The following PDE4D variants were observed in gnomAD, a reference collection of about 807,000 sequenced individuals.
PDE4D encodes the protein phosphodiesterase 4D.
In PDE4D, 24 loss-of-function variants were observed where a neutral mutation model predicts 87.4. The observed-to-expected ratio is 0.27, with a 90% CI of 0.20 to 0.39. The LOEUF (loss-of-function observed/expected upper bound fraction) is 0.39, where lower values mean the gene tolerates loss of function less well. Among genes scored for constraint, PDE4D ranks in the 10% least tolerant of loss-of-function variants. The pLI is 1.00. For synonymous variants in PDE4D, 384 were observed against 383.2 expected (o/e 1.00, Z -0.02); for missense variants, 714 against 1,041.0 (o/e 0.69, Z 4.32).
At position 59,449,458 on chromosome 5, in the gene PDE4D, C is replaced by T. The variant is rs567049191; in HGVS notation, c.456-233490G>A. ...TTTAAAAATGCTCTACCCAGTAAAA[C>T]CTTGAACCCATTGTGCAAAAGTATT... On this transcript the variant is annotated intron_variant, in intron 1 of 14. Transcript: ENST00000340635. Among the ~76,000 whole-genome samples, 5 of 152,256 alleles carry T rather than the reference C, an allele frequency of 3.3e-5. No individual in the cohort carries two copies. In the South Asian group the frequency reaches 1.0e-3, roughly 32 times the overall value.
intron 3 of PDE4D, among the ~76,000 whole-genome samples, chr5:59,903,979 T>G (rs1240611493): frequency 1.3e-5 from 2 of 152,180 alleles, no homozygotes; most frequent in Non-Finnish European, 2.9e-5. Context: ...TTTACAGCTT[T>G]GCTGAGCCTT....
chr5:59,851,458 G>A (rs1744650736), intron 1 of PDE4D, among the ~76,000 whole-genome samples: 1 of 152,034 alleles, frequency 6.6e-6, no homozygotes, highest in Non-Finnish European at 1.5e-5. Context: ...GACCTGGTAT[G>A]TTAGACAGAT....
intron 5 of PDE4D, among the ~76,000 whole-genome samples, chr5:59,151,524 T>C (rs1366997520): frequency 6.6e-6 from 1 of 152,156 alleles, no homozygotes; most frequent in Non-Finnish European, 1.5e-5. Context: ...TTCCAGTCAC[T>C]AAAAACTATA....
intron 5 of PDE4D, among the ~76,000 whole-genome samples, chr5:59,111,775 C>T (rs566689417): frequency 3.9e-5 from 6 of 152,248 alleles, no homozygotes; most frequent in African/African-American, 1.4e-4. Flanking sequence ...AAACAAGGCT[C>T]TTAATGGGAA....
intron 1 of PDE4D, among the ~76,000 whole-genome samples, chr5:59,443,017 A>G (rs1358888389): frequency 1.3e-5 from 2 of 152,186 alleles, no homozygotes; most frequent in African/African-American, 4.8e-5. Flanking sequence ...AGAGTGGGAA[A>G]TTTCAACAGA....
intron 1 of PDE4D, among the ~76,000 whole-genome samples, chr5:60,357,632 CT>C (rs911772495): frequency 1.3e-5 from 2 of 152,128 alleles, no homozygotes; most frequent in African/African-American, 4.8e-5. Flanking sequence ...CTTTTGGCTT[CT>C]GCTACCTCTC....
chr5:59,355,302 G>A (rs1439942787), intron 1 of PDE4D, among the ~76,000 whole-genome samples: 2 of 152,148 alleles, frequency 1.3e-5, no homozygotes, highest in Non-Finnish European at 2.9e-5. Flanking sequence ...ACACAGAAGA[G>A]CTTAAACTCT....
rs188411819 is a variant in PDE4D, at chr5:59,605,284, G to A, written c.455+287884C>T. Among the ~76,000 whole-genome samples, 1,252 of 152,068 alleles carry A rather than the reference G, an allele frequency of 8.2e-3. 9 individuals carry two copies. Among genetic ancestry groups the A allele is most frequent in the Non-Finnish European group, 0.013 (866 of 67,950 alleles). ...AAAGTTTATTTTTTTCTATCCATTG[G>A]AAATTTGTGAACATTTTACACAATA... On this transcript the variant is annotated intron_variant, in intron 1 of 14. Transcript: ENST00000340635.
At chr5:60,068,376 A>C (rs954647256) in intron 2 of PDE4D, among the ~76,000 whole-genome samples, 6 of 152,104 alleles carry the variant, frequency 3.9e-5, no homozygotes, top group African/African-American at 1.4e-4. Context: ...GTCTTCTTTG[A>C]AGAAATGTCT....
At chr5:60,309,907 A>C (rs909641458) in intron 1 of PDE4D, among the ~76,000 whole-genome samples, 7 of 152,222 alleles carry the variant, frequency 4.6e-5, no homozygotes, top group African/African-American at 1.7e-4. Context: ...CATCACAATA[A>C]AAAGATTTTA....
intron 5 of PDE4D, among the ~76,000 whole-genome samples, chr5:59,088,850 T>C (rs926930618): frequency 2.0e-5 from 3 of 152,118 alleles, no homozygotes; most frequent in Non-Finnish European, 4.4e-5. Context: ...AGGTGTAATA[T>C]GTGGGTGATG....
intron 2 of PDE4D, among the ~76,000 whole-genome samples, chr5:60,044,506 C>G (rs1023989704): frequency 1.3e-5 from 2 of 151,898 alleles, no homozygotes; most frequent in African/African-American, 2.4e-5. Flanking sequence ...CATTGCTATC[C>G]CTCCCCCCTA....
intron 1 of PDE4D, among the ~76,000 whole-genome samples, chr5:59,466,696 T>A (rs1801629040): frequency 6.6e-6 from 1 of 152,178 alleles, no homozygotes; most frequent in African/African-American, 2.4e-5. Context: ...ATATGTAGCA[T>A]TTAATATTAT....
At chr5:59,389,575 G>C (rs1410437851) in intron 1 of PDE4D, among the ~76,000 whole-genome samples, 2 of 152,030 alleles carry the variant, frequency 1.3e-5, no homozygotes. Context: ...ACTATCATAT[G>C]ATCCAGCAAT....
intron 1 of PDE4D, chr5:60,304,194 T>C (rs1406803488): frequency 1.3e-5 from 2 of 152,126 alleles, no homozygotes; most frequent in Non-Finnish European, 2.9e-5. Context: ...CCAGAGTTCT[T>C]GGTTTGGGGA....
In PDE4D at chr5:59,380,735, C is replaced by T. The variant is rs190261488; in HGVS notation, c.456-164767G>A. 1.4e-4 allele frequency among the ~76,000 whole-genome samples: 22 copies of T among 152,120 alleles called. No homozygotes were observed. In the East Asian group the frequency reaches 4.1e-3, roughly 28 times the overall value. On this transcript the variant is annotated intron_variant, in intron 1 of 14. Transcript: ENST00000340635. ...GTTGAACAACATTTCATTCTTAGACCAAGTGTTTATCTGTATCTGAAGGGG... is the reference window on the plus strand; with the variant it reads ...GTTGAACAACATTTCATTCTTAGACTAAGTGTTTATCTGTATCTGAAGGGG...
intron 5 of PDE4D, among the ~76,000 whole-genome samples, chr5:59,065,993 T>A (rs1013090470): frequency 2.6e-5 from 4 of 152,150 alleles, no homozygotes; most frequent in Admixed American, 2.0e-4. Flanking sequence ...TAAAAGCATT[T>A]TTACCTTAAG....
At chr5:59,352,835 C>A (rs1341737266) in intron 1 of PDE4D, among the ~76,000 whole-genome samples, 2 of 152,100 alleles carry the variant, frequency 1.3e-5, no homozygotes, top group African/African-American at 4.8e-5. Flanking sequence ...ACTCATTAGA[C>A]CTTCTACACG....
At position 60,467,430 on chromosome 5, in the gene PDE4D, T is replaced by C. The variant is rs550063453; in HGVS notation, c.-90+20512A>G. ...TTGGAGCCCCAGAAATGTGCTTTCC[T>C]TCTTCTCTGTCATTATGGATATTTC... On this transcript the variant is annotated intron_variant, in intron 1 of 16. Transcript: ENST00000502484. Among the ~76,000 whole-genome samples the C allele has an allele frequency of 8.5e-5, 13 of 152,314 alleles. No individual in the cohort carries two copies. The South Asian group carries it at 2.3e-3, about 27-fold the overall frequency.
Sources: gnomAD v4.1 joint callset for allele counts (sites outside exome capture counted in the v4.1 genomes callset) on GRCh38, gnomAD v4.1.1 for gene constraint, MANE v1.5 for transcripts, NCBI Gene and HGNC (gene_info 2026-07-23, HGNC 2026-07-21) for gene names.